GPR89A: variants seen among roughly 807,000 people sequenced by gnomAD.
The protein encoded by GPR89A is golgi pH regulator A, also known as G protein-coupled receptor 89A.
In GPR89A, 16 loss-of-function variants were observed where a neutral mutation model predicts 52.0. The observed-to-expected ratio is 0.31, with a 90% CI of 0.21 to 0.47. GPR89A has a LOEUF of 0.47. GPR89A is among the 20% of genes least tolerant of loss of function. GPR89A has a pLI of 1.00. For missense variants in GPR89A, 135 were observed against 449.4 expected (o/e 0.30, Z 6.33); for synonymous variants, 55 against 150.9 (o/e 0.36, Z 4.66).
chr1:145,613,000 C>T (rs1229852475), intron 1 of GPR89A, among the ~76,000 whole-genome samples: 1 of 151,814 alleles, frequency 6.6e-6, no homozygotes, highest in Non-Finnish European at 1.5e-5. Flanking sequence ...TGGCACATTG[C>T]TCTCCTTACT....
chr1:145,614,635 T>G (rs1648532274), intron 1 of GPR89A, among the ~76,000 whole-genome samples: 1 of 151,422 alleles, frequency 6.6e-6, no homozygotes, highest in Non-Finnish European at 1.5e-5. Context: ...CTCATAGAGC[T>G]TATAATCTAA....
intron 7 of GPR89A, among the ~76,000 whole-genome samples, chr1:145,634,160 G>GC (rs1339541953): frequency 1.3e-5 from 2 of 150,384 alleles, no homozygotes; most frequent in East Asian, 3.9e-4. Context: ...GCTCACTGCA[G>GC]CCTCCACCTC....
chr1:145,655,658 T>C (rs1478297006), intron 10 of GPR89A, among the ~76,000 whole-genome samples: 1 of 152,188 alleles, frequency 6.6e-6, no homozygotes, highest in Admixed American at 6.5e-5. Context: ...ACAGCAAAGA[T>C]GGCTGCTTGC....
rs181164489 is a variant in GPR89A, at chr1:145,616,220, T to C, written c.43-14T>C. ...GAAAATATGTATTGACATTCTATTT[T>C]CTTTCTCCTCCAGATACTATTTTTT... On this transcript the variant is annotated splice_polypyrimidine_tract_variant and intron_variant, in intron 1 of 13. Coordinates refer to ENST00000313835, the MANE Select transcript of GPR89A (RefSeq NM_001097612.2). 388 of 1,607,392 alleles carry C rather than the reference T, an allele frequency of 2.4e-4. No homozygotes were observed. Among genetic ancestry groups the C allele is most frequent in the Middle Eastern group, 5.0e-4 (3 of 6,042 alleles).
intron 1 of GPR89A, among the ~76,000 whole-genome samples, chr1:145,613,396 A>G (rs141194177): frequency 0.037 from 5,563 of 152,076 alleles, 321 homozygotes; most frequent in African/African-American, 0.13. Context: ...CTGAATTCCC[A>G]TAACACATTT....
chr1:145,645,763 G>A (rs1162663903), intron 8 of GPR89A: 1 of 451,476 alleles, frequency 2.2e-6, no homozygotes, highest in African/African-American at 2.0e-5. Flanking sequence ...GTAAATCCTA[G>A]CCTATATTAG....
chr1:145,620,531 TAAAG>T (rs1649068392), intron 3 of GPR89A, among the ~76,000 whole-genome samples: 1 of 149,242 alleles, frequency 6.7e-6, no homozygotes, highest in Non-Finnish European at 1.5e-5. Context: ...CTTAATTAGT[TAAAG>T]AGGATAAGAA....
intron 10 of GPR89A, among the ~76,000 whole-genome samples, chr1:145,662,204 A>C (rs587768121): frequency 6.6e-6 from 1 of 152,110 alleles, no homozygotes; most frequent in African/African-American, 2.4e-5. Context: ...GGATCCAGCT[A>C]TTGTGGATTT....
chr1:145,635,545 G>T (rs1351385830), intron 7 of GPR89A, among the ~76,000 whole-genome samples: 1 of 152,168 alleles, frequency 6.6e-6, no homozygotes. Flanking sequence ...TATTTTACAT[G>T]AGTGTATATA....
chr1:145,626,637 T>G (rs1553689059), intron 5 of GPR89A, among the ~76,000 whole-genome samples: 1 of 151,160 alleles, frequency 6.6e-6, no homozygotes, highest in African/African-American at 2.4e-5. Context: ...CCAGTATGGT[T>G]GTTTATTGCT....
chr1:145,611,070 A>C (rs2101721635), intron 1 of GPR89A, among the ~76,000 whole-genome samples: 1 of 152,108 alleles, frequency 6.6e-6, no homozygotes, highest in Non-Finnish European at 1.5e-5. Flanking sequence ...AGCTATTTGA[A>C]ATTGCATTTT....
intron 7 of GPR89A, among the ~76,000 whole-genome samples, chr1:145,641,920 A>G (rs1243585723): frequency 1.3e-5 from 2 of 152,200 alleles, no homozygotes; most frequent in Non-Finnish European, 2.9e-5. Context: ...TCTTAAATAT[A>G]TGATCATTTC....
At chr1:145,647,910 T>TAG (rs1651164508) in intron 10 of GPR89A, among the ~76,000 whole-genome samples, 2 of 111,232 alleles carry the variant, frequency 1.8e-5, no homozygotes, top group South Asian at 3.0e-4. Flanking sequence ...TATATATATA[T>TAG]AGAATGTGAA....
intron 7 of GPR89A, among the ~76,000 whole-genome samples, chr1:145,635,700 T>C (rs1553690612): frequency 6.6e-6 from 1 of 152,230 alleles, no homozygotes; most frequent in African/African-American, 2.4e-5. Context: ...AGTGAAGTCA[T>C]GACCGGGTAC....
Position 145,647,526 on chromosome 1 carries a change from G to A in GPR89A, c.909+259G>A, listed in dbSNP as rs1439431089. 2.6e-4 allele frequency among the ~76,000 whole-genome samples: 39 copies of A among 151,826 alleles called. 2 individuals are homozygous for A. Among genetic ancestry groups the A allele is most frequent in the Middle Eastern group, 6.8e-3 (2 of 292 alleles). On this transcript the variant is annotated intron_variant, in intron 10 of 13. Coordinates refer to ENST00000313835, the MANE Select transcript of GPR89A (RefSeq NM_001097612.2). ...TTTATGAAATATCTAAATTGAGGCC[G>A]GGCATGGTGGCTCATGCCTATAATC... is the stretch of plus-strand genomic sequence containing the variant.
At chr1:145,645,355 G>A (rs185567362) in intron 8 of GPR89A, 46 of 342,178 alleles carry the variant, frequency 1.3e-4, no homozygotes, top group African/African-American at 7.8e-4. Flanking sequence ...ATTGAAGTAT[G>A]TGCTTCTATT....
At chr1:145,610,397 A>C (rs1224945915) in intron 1 of GPR89A, among the ~76,000 whole-genome samples, 13 of 151,974 alleles carry the variant, frequency 8.6e-5, no homozygotes, top group Admixed American at 7.2e-4. Context: ...CTGTGGCTCC[A>C]ATTTATTCTT....
At chr1:145,658,544 G>A (rs1280908153) in intron 10 of GPR89A, among the ~76,000 whole-genome samples, 4 of 148,218 alleles carry the variant, frequency 2.7e-5, no homozygotes, top group South Asian at 4.4e-4. Flanking sequence ...GGGGAGGATC[G>A]CTTGAGCCTG....
At chr1:145,634,081 G>GGT (rs142006362) in intron 7 of GPR89A, among the ~76,000 whole-genome samples, 1 of 146,198 alleles carries the variant, frequency 6.8e-6, no homozygotes, top group Non-Finnish European at 1.5e-5. Context: ...TGTCTATTGT[G>GGT]TTTTTTTTTT....
Sources: gnomAD v4.1 joint callset for allele counts (sites outside exome capture counted in the v4.1 genomes callset) on GRCh38, gnomAD v4.1.1 for gene constraint, MANE v1.5 for transcripts, NCBI Gene and HGNC (gene_info 2026-07-23, HGNC 2026-07-21) for gene names.